Variants in EIF3H observed in about 807,000 individuals in gnomAD.
EIF3H encodes the protein eIF-3-gamma.
In EIF3H, 26 loss-of-function variants were observed where a neutral mutation model predicts 44.2. The ratio of observed to expected loss-of-function variants is 0.59; its 90% confidence interval spans 0.43 to 0.82. The LOEUF is 0.82. Ranked by LOEUF, EIF3H falls within the 40% of genes least tolerant of loss-of-function variation. The pLI is 0.00. For missense variants in EIF3H, 359 were observed against 432.8 expected (o/e 0.83, Z 1.51); for synonymous variants, 166 against 151.9 (o/e 1.09, Z -0.68).
intron 1 of EIF3H, among the ~76,000 whole-genome samples, chr8:116,748,748 T>C (rs1815281598): frequency 2.0e-5 from 3 of 152,198 alleles, no homozygotes; most frequent in South Asian, 2.1e-4. Flanking sequence ...CCAAACTGGA[T>C]ACCAAAATTC....
intron 1 of EIF3H, among the ~76,000 whole-genome samples, chr8:116,741,472 T>C (rs1386468834): frequency 1.3e-5 from 2 of 152,362 alleles, no homozygotes; most frequent in African/African-American, 2.4e-5. Flanking sequence ...TGTGTTTATG[T>C]GTAATTTTCC....
At chr8:116,687,218 G>A (rs1343555689) in intron 2 of EIF3H, among the ~76,000 whole-genome samples, 3 of 152,128 alleles carry the variant, frequency 2.0e-5, no homozygotes, top group Admixed American at 6.6e-5. Context: ...ATATAAGCAA[G>A]AACTGTATGT....
At chr8:116,682,505 T>G (rs1169519174) in intron 2 of EIF3H, among the ~76,000 whole-genome samples, 3 of 152,176 alleles carry the variant, frequency 2.0e-5, no homozygotes, top group African/African-American at 7.2e-5. Flanking sequence ...CCTTAAGATA[T>G]TCCTGTCTCC....
chr8:116,743,713 G>A (rs966602956), intron 1 of EIF3H, among the ~76,000 whole-genome samples: 3 of 148,264 alleles, frequency 2.0e-5, no homozygotes, highest in African/African-American at 4.9e-5. Context: ...AGCCGAGATC[G>A]CACCACTGCA....
intron 2 of EIF3H, among the ~76,000 whole-genome samples, chr8:116,702,824 C>A (rs1323437129): frequency 1.3e-5 from 2 of 152,152 alleles, no homozygotes; most frequent in Non-Finnish European, 2.9e-5. Flanking sequence ...TGGTACCCAA[C>A]CTTCATGGCA....
At chr8:116,651,204 G>A (rs1017494894) in intron 5 of EIF3H, among the ~76,000 whole-genome samples, 1 of 152,164 alleles carries the variant, frequency 6.6e-6, no homozygotes, top group Non-Finnish European at 1.5e-5. Context: ...TGATATTACA[G>A]AGAGAAATTG....
At chr8:116,737,104 A>G (rs1006907182) in intron 1 of EIF3H, 4 of 212,050 alleles carry the variant, frequency 1.9e-5, no homozygotes, top group Middle Eastern at 5.4e-4. Flanking sequence ...CCTGCCCAAA[A>G]AGACATGATT....
At position 116,711,499 on chromosome 8, in the gene EIF3H, G is replaced by C. The variant is rs181345172; in HGVS notation, c.289+14517C>G. Among the ~76,000 whole-genome samples, 60 of 152,236 alleles carry C rather than the reference G, an allele frequency of 3.9e-4. 1 individual carries two copies. The East Asian group carries it at 9.6e-3, about 24-fold the overall frequency. ...CACATTACCAATAATCCTGGTAATA[G>C]ACTTTTTTAAAAACTGAGTACATTT... is the stretch of plus-strand genomic sequence containing the variant. On this transcript the variant is annotated intron_variant, in intron 2 of 7. Coordinates refer to ENST00000521861, the MANE Select transcript of EIF3H (RefSeq NM_003756.3).
chr8:116,726,251 GA>G (rs1814836343), intron 1 of EIF3H, 79 bp from the exon 2 acceptor site: 1 of 1,473,360 alleles, frequency 6.8e-7, no homozygotes, highest in East Asian at 2.3e-5. Context: ...AAAAACAAAA[GA>G]AACTGTACTA....
At chr8:116,704,182 T>C (rs763291500) in intron 2 of EIF3H, among the ~76,000 whole-genome samples, 15 of 152,192 alleles carry the variant, frequency 9.9e-5, no homozygotes, top group Non-Finnish European at 1.9e-4. Flanking sequence ...AGGCTTTGAA[T>C]CCTGATTCCA....
intron 6 of EIF3H, among the ~76,000 whole-genome samples, chr8:116,647,370 G>A (rs1456629865): frequency 6.6e-6 from 1 of 152,190 alleles, no homozygotes; most frequent in Non-Finnish European, 1.5e-5. Flanking sequence ...CAAGTGCTGG[G>A]ATTACAGGCG....
chr8:116,652,413 C>A (rs1182148066), intron 5 of EIF3H, among the ~76,000 whole-genome samples: 1 of 152,134 alleles, frequency 6.6e-6, no homozygotes, highest in East Asian at 1.9e-4. Context: ...AAAAATTTAG[C>A]AGAAGACAAA....
At chr8:116,763,248 C>T (rs750770167) in intron 1 of EIF3H, among the ~76,000 whole-genome samples, 18 of 152,052 alleles carry the variant, frequency 1.2e-4, no homozygotes, top group Non-Finnish European at 2.5e-4. Flanking sequence ...GATTCAATTT[C>T]GCATAACAGA....
intron 1 of EIF3H, among the ~76,000 whole-genome samples, chr8:116,761,207 A>G (rs1471412875): frequency 6.6e-6 from 1 of 152,212 alleles, no homozygotes; most frequent in East Asian, 1.9e-4. Flanking sequence ...AATGGAGAGC[A>G]CTATTTAAAT....
intron 1 of EIF3H, among the ~76,000 whole-genome samples, chr8:116,764,724 G>A (rs540100437): frequency 1.3e-5 from 2 of 152,146 alleles, no homozygotes; most frequent in Non-Finnish European, 1.5e-5. Flanking sequence ...TCCCTATTTT[G>A]CCCAGGCTGG....
At chr8:116,722,897 T>A (rs1333505625) in intron 2 of EIF3H, among the ~76,000 whole-genome samples, 1 of 152,204 alleles carries the variant, frequency 6.6e-6, no homozygotes, top group Admixed American at 6.5e-5. Flanking sequence ...AACATTCTTT[T>A]AAAACTTTGA....
In EIF3H at chr8:116,642,496, G is replaced by C. The variant is rs1813237097; in HGVS notation, c.*2510C>G. On this transcript the variant is annotated 3_prime_UTR_variant, in exon 8 of 8. Transcript: ENST00000521861. ...AGGAATCCATTCTTTCAGGTTTTAA[G>C]AATAATGTTATGATTATTAGATTAT... The C allele has an allele frequency of 6.6e-6, 1 of 152,112 alleles. No homozygotes were observed. The highest frequency in any genetic ancestry group is 2.4e-5 in the African/African-American group (1 of 41,416). 9.4% of individuals were successfully genotyped at this position (152,112 alleles called of 1,614,324 possible). A position where few individuals can be genotyped will look rare whatever the true frequency, so the allele number is the denominator to read the frequency against.
At chr8:116,745,639 G>A (rs1586491135) in intron 1 of EIF3H, among the ~76,000 whole-genome samples, 1 of 152,118 alleles carries the variant, frequency 6.6e-6, no homozygotes, top group South Asian at 2.1e-4. Flanking sequence ...ACATAAAAAC[G>A]GAAAAGTCTG....
upstream of EIF3H, chr8:116,756,126 T>C: frequency 1.0e-6 from 1 of 981,490 alleles, no homozygotes; most frequent in Non-Finnish European, 1.5e-6. Context: ...TATGTAAAAA[T>C]GCTTTCATTT....
Sources: allele counts gnomAD v4.1 joint callset (sites outside exome capture counted in the v4.1 genomes callset), GRCh38; gene constraint gnomAD v4.1.1; transcripts MANE v1.5; gene names NCBI Gene and HGNC (gene_info 2026-07-23, HGNC 2026-07-21).